TNKS: variants seen among roughly 807,000 people sequenced by gnomAD.
The protein encoded by TNKS is poly [ADP-ribose] polymerase tankyrase-1.
Under a neutral mutation model 135.8 loss-of-function variants are expected in TNKS, and 72 were observed. The observed-to-expected ratio is 0.53, with a 90% confidence interval of 0.44 to 0.64. The LOEUF is 0.64. Among genes scored for constraint, TNKS ranks in the 30% least tolerant of loss-of-function variants. The pLI is 0.00. For synonymous variants in TNKS, 849 were observed against 649.3 expected (o/e 1.31, Z -4.68); for missense variants, 1,769 against 1,674.0 (o/e 1.06, Z -0.99).
chr8:9,597,628 G>C (rs1798840462), intron 2 of TNKS, among the ~76,000 whole-genome samples: 2 of 152,156 alleles, frequency 1.3e-5, no homozygotes, highest in Non-Finnish European at 2.9e-5. Context: ...TATTTCAATA[G>C]CAGGGGTATC....
intron 11 of TNKS, among the ~76,000 whole-genome samples, chr8:9,712,697 T>A (rs1357607431): frequency 6.6e-6 from 1 of 151,872 alleles, no homozygotes; most frequent in Admixed American, 6.6e-5. Context: ...TGAGATCAGC[T>A]GGGCAACACA....
intron 1 of TNKS, chr8:9,558,951 G>T (rs747446434): frequency 3.9e-5 from 6 of 152,130 alleles, no homozygotes; most frequent in Non-Finnish European, 8.8e-5. Context: ...CAGTTGACTG[G>T]TTATTATGAT....
chr8:9,731,061 G>A, intron 14 of TNKS, 26 bp downstream of exon 14: 3 of 1,543,410 alleles, frequency 1.9e-6, no homozygotes, highest in Middle Eastern at 1.8e-4. Flanking sequence ...TAGCTGTTTG[G>A]GAGTCATTCT....
At chr8:9,731,625 G>A (rs180784988) in intron 14 of TNKS, among the ~76,000 whole-genome samples, 5 of 152,186 alleles carry the variant, frequency 3.3e-5, no homozygotes, top group African/African-American at 1.2e-4. Context: ...GATGGTGGTG[G>A]TGGTGATTTT....
intron 2 of TNKS, among the ~76,000 whole-genome samples, chr8:9,598,286 A>G (rs1362887864): frequency 6.6e-6 from 1 of 151,926 alleles, no homozygotes; most frequent in African/African-American, 2.4e-5. Context: ...TGACCTCGTG[A>G]TCCGCCTGCC....
chr8:9,734,230 T>A (rs1239684988), intron 15 of TNKS, among the ~76,000 whole-genome samples: 1 of 152,202 alleles, frequency 6.6e-6, no homozygotes, highest in Non-Finnish European at 1.5e-5. Context: ...GACTTACAAC[T>A]AATTTCCGCA....
chr8:9,607,743 C>T (rs1365668455), intron 2 of TNKS, among the ~76,000 whole-genome samples: 1 of 151,970 alleles, frequency 6.6e-6, no homozygotes. Flanking sequence ...AATTTGGGAG[C>T]CCTTTATAAG....
At chr8:9,756,123 C>T (rs1244338507) in intron 20 of TNKS, among the ~76,000 whole-genome samples, 1 of 152,068 alleles carries the variant, frequency 6.6e-6, no homozygotes, top group Non-Finnish European at 1.5e-5. Flanking sequence ...TGGAAGACTG[C>T]TTGTGGACAT....
In TNKS at chr8:9,556,038, C is replaced by A. The variant is rs980541559; in HGVS notation, c.99C>A (p.Pro33=). The part of the protein sequence containing the change: ...GASAPPPPPP[P]PLSPGLAPGT... ...CAGCGCCGCCGCCGCCACCTCCTCC[C>A]CCACTCAGCCCTGGCCTGGCCCCGG... Residue 33 remains proline, a synonymous_variant, in exon 1 of 27, where the codon CCC becomes CCA. Transcript: ENST00000310430. The A allele has an allele frequency of 6.2e-7, 1 of 1,611,778 alleles. No homozygotes were observed. Among genetic ancestry groups the A allele is most frequent in the African/African-American group, 1.3e-5 (1 of 75,060 alleles).
chr8:9,734,698 G>T (rs1431872694), intron 15 of TNKS, among the ~76,000 whole-genome samples, 167 bp from the exon 16 acceptor site: 1 of 152,136 alleles, frequency 6.6e-6, no homozygotes, highest in East Asian at 1.9e-4. Context: ...TTAGAAAGCT[G>T]ATCCATTATA....
intron 2 of TNKS, among the ~76,000 whole-genome samples, chr8:9,584,825 G>C (rs1308794889): frequency 6.6e-6 from 1 of 152,174 alleles, no homozygotes; most frequent in East Asian, 1.9e-4. Context: ...CCTCTTCCAG[G>C]TGCCTCTCAT....
chr8:9,658,009 C>T (rs1263953722), intron 3 of TNKS, among the ~76,000 whole-genome samples: 5 of 72,946 alleles, frequency 6.9e-5, no homozygotes, highest in East Asian at 4.4e-4. Context: ...GATGGGGCGG[C>T]GGGGCAGAGG....
chr8:9,610,729 A>G (rs1179818977), intron 2 of TNKS, among the ~76,000 whole-genome samples: 1 of 152,208 alleles, frequency 6.6e-6, no homozygotes, highest in Non-Finnish European at 1.5e-5. Flanking sequence ...TTCCTAAAAC[A>G]TCTTCTGATA....
intron 3 of TNKS, among the ~76,000 whole-genome samples, chr8:9,661,078 A>G (rs1180696577): frequency 2.6e-5 from 4 of 152,070 alleles, no homozygotes; most frequent in Admixed American, 6.6e-5. Flanking sequence ...TCAATGAAAT[A>G]AAAGAGGATA....
intron 6 of TNKS, among the ~76,000 whole-genome samples, chr8:9,704,987 A>G (rs1402464267): frequency 6.6e-6 from 1 of 152,216 alleles, no homozygotes; most frequent in Non-Finnish European, 1.5e-5. Flanking sequence ...TGTTACTTGA[A>G]GTTGAAATTG....
At chr8:9,747,766 A>G (rs938317476) in intron 17 of TNKS, among the ~76,000 whole-genome samples, 1 of 152,168 alleles carries the variant, frequency 6.6e-6, no homozygotes, top group Non-Finnish European at 1.5e-5. Context: ...AGAGGGATGC[A>G]TTTTTTGAAA....
At position 9,726,715 on chromosome 8, in the gene TNKS, G is replaced by C; in HGVS notation, c.1996G>C (p.Val666Leu). The C allele has an allele frequency of 6.2e-7, 1 of 1,612,466 alleles. No individual in the cohort carries two copies. Among genetic ancestry groups the C allele is most frequent in the Non-Finnish European group, 8.5e-7 (1 of 1,179,258 alleles). Residue 666 changes from valine to leucine, a missense_variant, in exon 13 of 27, where the codon GTG becomes CTG. Physicochemically the swap from Val to Leu is conservative, Grantham distance 32 (BLOSUM62 1). Coordinates refer to ENST00000310430, the MANE Select transcript of TNKS (RefSeq NM_003747.3). ...ATCTAAAGCTGGAGACTTGGAAACT[G>C]TGAAGGTAAGTCAGTGCCCTTAATA... is the stretch of plus-strand genomic sequence containing the variant. ...EASKAGDLET[V>L]KQLCSSQNVN...
rs1256864882 is a variant in TNKS at position 9,708,545 on chromosome 8, C to CA, written c.1578+57dup. The CA allele has an allele frequency of 4.3e-6, 6 of 1,388,724 alleles. No individual in the cohort carries two copies. The African/African-American group carries it at 8.9e-5, about 21-fold the overall frequency. 86.0% of individuals were successfully genotyped at this position (1,388,724 alleles called of 1,614,324 possible). ...TGTGTCTATAATAATAACGTAAGCA[C>CA]AAAATATGATTTTCATTTCAGAAAC... On this transcript the variant is annotated intron_variant, in intron 9 of 26. Coordinates refer to ENST00000310430, the MANE Select transcript of TNKS (RefSeq NM_003747.3).
intron 3 of TNKS, among the ~76,000 whole-genome samples, chr8:9,639,579 T>G (rs1451407044): frequency 6.6e-6 from 1 of 152,024 alleles, no homozygotes; most frequent in Non-Finnish European, 1.5e-5. Flanking sequence ...ATCTTTTCAT[T>G]ATGTAAGAGA....
Sources: gnomAD v4.1 joint callset for allele counts (sites outside exome capture counted in the v4.1 genomes callset) on GRCh38, gnomAD v4.1.1 for gene constraint, MANE v1.5 for transcripts, NCBI Gene and HGNC (gene_info 2026-07-23, HGNC 2026-07-21) for gene names.